CDCA8: variants seen among roughly 807,000 people sequenced by gnomAD.
CDCA8 encodes the protein cell division cycle associated 8.
A neutral mutation model predicts 40.0 loss-of-function variants in CDCA8; 25 were observed. The ratio of observed to expected loss-of-function variants is 0.63; its 90% CI spans 0.46 to 0.87. The LOEUF is 0.87. Ranked by LOEUF, CDCA8 falls within the 40% of genes least tolerant of loss-of-function variation. The pLI, the probability that CDCA8 is intolerant of heterozygous loss-of-function variation, is 0.00. For synonymous variants in CDCA8, 111 were observed against 126.5 expected, an observed-to-expected ratio of 0.88 and a Z score of 0.82; for missense variants, 280 against 348.4, an observed-to-expected ratio of 0.80 and a Z score of 1.56.
intron 5 of CDCA8, 55 bp from the exon 6 acceptor site, chr1:37,701,699 C>A: frequency 8.0e-6 from 9 of 1,126,864 alleles, no homozygotes; most frequent in Non-Finnish European, 1.0e-5. Context: ...ACCCTCCTTA[C>A]CTTCCTCTTT....
chr1:37,703,180 G>T (rs997490497), intron 6 of CDCA8, 72 bp from the exon 7 acceptor site: 1 of 1,154,566 alleles, frequency 8.7e-7, no homozygotes, highest in Non-Finnish European at 1.3e-6. Flanking sequence ...AGCTCTCCAC[G>T]TGTCACTCCT....
chr1:37,702,966 A>G (rs908587456), intron 6 of CDCA8, among the ~76,000 whole-genome samples: 2 of 151,534 alleles, frequency 1.3e-5, no homozygotes, highest in Admixed American at 1.3e-4. Context: ...AAAAAAAAAA[A>G]AGTCAGATTC....
chr1:37,708,532 G>C lies in CDCA8; in HGVS notation c.*166G>C. 1.5e-6 allele frequency: 1 copy of C among 655,030 alleles called. No individual in the cohort carries two copies. The highest frequency in any genetic ancestry group is 1.8e-5 in the South Asian group (1 of 56,910). 40.6% of individuals were successfully genotyped at this position (655,030 alleles called of 1,614,324 possible). On this transcript the variant is annotated 3_prime_UTR_variant, in exon 10 of 10. Transcript: ENST00000373055. The stretch of plus-strand genomic sequence containing the variant: ...GTGCTAGTCCCACACCAGTTAGGTA[G>C]AGCTGTCTGTTCACCCTCCCATCCC...
Position 37,698,984 on chromosome 1 carries a change from A to G in CDCA8, c.337+7A>G, listed in dbSNP as rs1365275545. 9 of 1,592,122 alleles carry G rather than the reference A, an allele frequency of 5.7e-6. No individual in the cohort carries two copies. The African/African-American group carries it at 8.1e-5, about 14-fold the overall frequency. ...CCCCTGAAATCTGCCAAAAGTGAGT[A>G]CCTTTCAAAACTCCTTGTTGTACAG... On this transcript the variant is annotated splice_region_variant and intron_variant, in intron 4 of 9. Transcript: ENST00000373055.
chr1:37,699,919 CAAAA>C (rs911015271), intron 4 of CDCA8, among the ~76,000 whole-genome samples: 1 of 130,134 alleles, frequency 7.7e-6, no homozygotes, highest in Admixed American at 7.7e-5. Context: ...GACTCTGTCT[CAAAA>C]AAAAAAAAAA....
At chr1:37,700,243 A>G (rs924473740) in intron 4 of CDCA8, among the ~76,000 whole-genome samples, 193 bp from the exon 5 acceptor site, 6 of 152,240 alleles carry the variant, frequency 3.9e-5, no homozygotes, top group African/African-American at 1.4e-4. Context: ...CCTACAAAGC[A>G]TCATATGGGG....
chr1:37,703,112 G>T, intron 6 of CDCA8, 140 bp from the exon 7 acceptor site: 1 of 717,854 alleles, frequency 1.4e-6, no homozygotes. Flanking sequence ...GGCCTCCCGT[G>T]TTAGAAGGGT....
chr1:37,706,533 T>A (rs941182065), intron 8 of CDCA8, among the ~76,000 whole-genome samples: 1 of 152,350 alleles, frequency 6.6e-6, no homozygotes, highest in Admixed American at 6.5e-5. Context: ...ACCTGTGATA[T>A]GCGCAATAAT....
intron 4 of CDCA8, among the ~76,000 whole-genome samples, chr1:37,699,918 T>C (rs536158539): frequency 1.2e-3 from 184 of 148,708 alleles, no homozygotes; most frequent in Non-Finnish European, 1.8e-3. Context: ...AGACTCTGTC[T>C]CAAAAAAAAA....
rs1645538799 is a variant in CDCA8, at chr1:37,697,982, CTG to C, written c.265-920_265-919del. ...TTACATGTGTTCTATAAGGAAAGGA[CTG>C]TGAATCATGACTGCTCTTTGTAGTG... On this transcript the variant is annotated intron_variant, in intron 3 of 9. Coordinates refer to ENST00000373055, the MANE Select transcript of CDCA8 (RefSeq NM_001256875.2). Among the ~76,000 whole-genome samples the C allele has an allele frequency of 3.3e-5, 5 of 152,240 alleles. No homozygotes were observed. The South Asian group carries it at 8.3e-4, about 25-fold the overall frequency.
At position 37,704,672 on chromosome 1, in the gene CDCA8, G is replaced by C. The variant is rs1451708065; in HGVS notation, c.585-769G>C. On this transcript the variant is annotated intron_variant, in intron 7 of 9. Transcript: ENST00000373055. ...TTTTTTTTTTTTTTTTTTTGAGACG[G>C]AGTCTCGCTCTGTCACCCAGGCTGG... 3.3e-5 allele frequency among the ~76,000 whole-genome samples: 4 copies of C among 122,846 alleles called. No individual in the cohort carries two copies. The Admixed American group carries it at 4.1e-4, about 13-fold the overall frequency. The allele number at this position is 122,846 out of a possible 152,430, so 80.6% of individuals were successfully genotyped here.
chr1:37,701,344 A>C (rs781554121), intron 5 of CDCA8, among the ~76,000 whole-genome samples: 8 of 152,090 alleles, frequency 5.3e-5, no homozygotes, highest in African/African-American at 1.4e-4. Flanking sequence ...GGGAGGAGAG[A>C]ATATATGGAA....
In CDCA8 at chr1:37,699,606, GAAA is replaced by G. The variant is rs1645549955; in HGVS notation, c.337+630_337+632del. ...AGAAAGAAAGGAAAGGAAAGGAAAG[GAAA>G]GGAAAGGAAAGGAAAAAAAAAGTTA... is the stretch of plus-strand genomic sequence containing the variant. On this transcript the variant is annotated intron_variant, in intron 4 of 9. Coordinates refer to ENST00000373055, the MANE Select transcript of CDCA8 (RefSeq NM_001256875.2). 2.8e-5 allele frequency among the ~76,000 whole-genome samples: 4 copies of G among 142,402 alleles called. No individual in the cohort carries two copies. In the Admixed American group the frequency reaches 2.8e-4, roughly 10 times the overall value. The allele number at this position is 142,402 out of a possible 152,430, so 93.4% of individuals were successfully genotyped here. A position where few individuals can be genotyped will look rare whatever the true frequency, so the allele number is the denominator to read the frequency against.
chr1:37,698,474 G>A (rs1224780357), intron 3 of CDCA8, among the ~76,000 whole-genome samples: 1 of 152,212 alleles, frequency 6.6e-6, no homozygotes, highest in East Asian at 1.9e-4. Flanking sequence ...CACAAAGAGT[G>A]GTGAAAACAG....
At chr1:37,695,534 G>A (rs1242850369) in intron 2 of CDCA8, among the ~76,000 whole-genome samples, 1 of 151,936 alleles carries the variant, frequency 6.6e-6, no homozygotes, top group African/African-American at 2.4e-5. Context: ...CAGCCAAGGA[G>A]GCGCCACTCC....
rs76059772 is a variant in CDCA8, at chr1:37,698,955, G to T, written c.315G>T (p.Gln105His). The T allele has an allele frequency of 3.1e-6, 5 of 1,613,494 alleles. No individual in the cohort carries two copies. The East Asian group carries it at 1.1e-4, about 36-fold the overall frequency. ...EINKLTAEAI[Q>H]TPLKSAKTRK... is the part of the protein sequence containing the mutation. The stretch of plus-strand genomic sequence containing the variant: ...ACAAACTAACAGCAGAAGCTATTCA[G>T]ACACCCCTGAAATCTGCCAAAAGTG... Residue 105 changes from glutamine (Q) to histidine (H), a missense_variant, in exon 4 of 10, where the codon CAG becomes CAT. By Grantham distance (24) the Gln-to-His change is conservative. Transcript: ENST00000373055.
In CDCA8 at chr1:37,700,443, G is replaced by T. The variant is rs370260234; in HGVS notation, c.345G>T (p.Lys115Asn). Residue 115 changes from lysine (K) to asparagine (N), a missense_variant, in exon 5 of 10, where the codon AAG (lysine) becomes AAT (asparagine). Lys to Asn is a moderately conservative substitution (Grantham distance 94, BLOSUM62 0). Coordinates refer to ENST00000373055, the MANE Select transcript of CDCA8 (RefSeq NM_001256875.2). The part of the protein sequence containing the change: ...QTPLKSAKTR[K>N]VIQVDEMIVE... The stretch of plus-strand genomic sequence containing the variant: ...TGAAACTGTTTCTTACAGCACGAAA[G>T]GTAATACAGGTAGATGAAATGATAG... 3 of 1,601,212 alleles carry T rather than the reference G, an allele frequency of 1.9e-6. No homozygotes were observed. In the South Asian group the frequency reaches 3.3e-5, roughly 18 times the overall value.
At chr1:37,705,640 C>T (rs146618201) in intron 8 of CDCA8, 73 bp downstream of exon 8, 97 of 1,559,998 alleles carry the variant, frequency 6.2e-5, no homozygotes, top group Non-Finnish European at 8.3e-5. Flanking sequence ...TGGGCCCTCA[C>T]CCACGCTTCA....
intron 6 of CDCA8, 142 bp from the exon 7 acceptor site, chr1:37,703,110 G>A (rs534942068): frequency 8.3e-5 from 59 of 712,772 alleles, no homozygotes; most frequent in Non-Finnish European, 1.3e-4. Flanking sequence ...CTGGCCTCCC[G>A]TGTTAGAAGG....
Sources: allele counts gnomAD v4.1 joint callset (sites outside exome capture counted in the v4.1 genomes callset), GRCh38; gene constraint gnomAD v4.1.1; transcripts MANE v1.5; gene names NCBI Gene and HGNC (gene_info 2026-07-23, HGNC 2026-07-21).